Variants in L3MBTL2 observed in about 807,000 individuals in gnomAD.
L3MBTL2 encodes lethal(3)malignant brain tumor-like protein 2.
L3MBTL2 carries 49 observed loss-of-function variants against 86.4 expected under a neutral mutation model. That is an observed-to-expected ratio of 0.57 (90% CI 0.45 to 0.72). The LOEUF is 0.72. L3MBTL2 is among the 30% of genes least tolerant of loss of function. L3MBTL2 has a pLI of 0.00. For synonymous variants in L3MBTL2, 336 were observed against 350.6 expected, an observed-to-expected ratio of 0.96 and a Z score of 0.47; for missense variants, 755 against 923.7, an observed-to-expected ratio of 0.82 and a Z score of 2.37.
At chr22:41,223,928 C>A in intron 8 of L3MBTL2, 92 bp from the exon 9 acceptor site, 2 of 1,014,710 alleles carry the variant, frequency 2.0e-6, no homozygotes, top group Admixed American at 2.0e-5. Context: ...GGGGATAACA[C>A]CACACCTTCC....
intron 2 of L3MBTL2, chr22:41,210,156 T>G (rs1370256136): frequency 2.1e-6 from 1 of 486,180 alleles, no homozygotes; most frequent in East Asian, 3.5e-5. Flanking sequence ...TTTTTTTTTT[T>G]TTTTTTTTTT....
In L3MBTL2 at chr22:41,212,773, T is replaced by TAGTC. The variant is rs553240762; in HGVS notation, c.263-1119_263-1116dup. 1.7e-3 allele frequency among the ~76,000 whole-genome samples: 257 copies of TAGTC among 151,480 alleles called. 2 individuals carry two copies. Among genetic ancestry groups the TAGTC allele is most frequent in the African/African-American group, 5.8e-3 (241 of 41,228 alleles). ...AGCCAGGCGTGGTGGCACATGCCTG[T>TAGTC]AGTCCCAGCTACTCAAGAGGCTGAG... On this transcript the variant is annotated intron_variant, in intron 2 of 16. Coordinates refer to ENST00000216237, the MANE Select transcript of L3MBTL2 (RefSeq NM_031488.5).
chr22:41,224,596 G>A lies in L3MBTL2; in HGVS notation c.1175-129G>A. ...CTGCTACTCTGGGGTGGGGGGTCCT[G>A]AGATACAGAGATACAGCTGAGAACA... On this transcript the variant is annotated intron_variant, in intron 9 of 16. Transcript: ENST00000216237. This position sits in a 1 kb window ranked among gnomAD's most constrained non-coding sequence, Gnocchi z 4.9. 2 of 692,536 alleles carry A rather than the reference G, an allele frequency of 2.9e-6. No homozygotes were observed. Among genetic ancestry groups the A allele is most frequent in the Non-Finnish European group, 5.1e-6 (2 of 389,120 alleles). 42.9% of individuals were successfully genotyped at this position (692,536 alleles called of 1,614,324 possible).
At chr22:41,207,236 C>CTTTTTTT (rs753351369) in intron 1 of L3MBTL2, among the ~76,000 whole-genome samples, 6 of 120,502 alleles carry the variant, frequency 5.0e-5, no homozygotes, top group Non-Finnish European at 1.0e-4. Flanking sequence ...CCCCCAAATC[C>CTTTTTTT]TTTTTTTTTT....
Position 41,224,536 on chromosome 22 carries a change from G to C in L3MBTL2, c.1175-189G>C, listed in dbSNP as rs896858918. Among the ~76,000 whole-genome samples the C allele has an allele frequency of 2.6e-5, 4 of 152,134 alleles. No individual in the cohort carries two copies. Among genetic ancestry groups the C allele is most frequent in the African/African-American group, 4.8e-5 (2 of 41,412 alleles). On this transcript the variant is annotated intron_variant, in intron 9 of 16. Coordinates refer to ENST00000216237, the MANE Select transcript of L3MBTL2 (RefSeq NM_031488.5). The surrounding 1 kb of genome is among the most constrained non-coding windows in gnomAD (Gnocchi z 4.9). ...TCGAGGGCTGAAGAGTCCCTACAGAGAGCTCTTGATGTTTTCTGGACTCAA... is the reference window on the plus strand; with the variant it reads ...TCGAGGGCTGAAGAGTCCCTACAGACAGCTCTTGATGTTTTCTGGACTCAA...
At chr22:41,213,221 AAAAT>A (rs1308443273) in intron 2 of L3MBTL2, among the ~76,000 whole-genome samples, 3 of 152,226 alleles carry the variant, frequency 2.0e-5, no homozygotes, top group African/African-American at 4.8e-5. Context: ...CTCCGTCTCA[AAAAT>A]AAATAAATAA....
intron 15 of L3MBTL2, among the ~76,000 whole-genome samples, chr22:41,229,314 G>A (rs921721962): frequency 1.3e-5 from 2 of 152,108 alleles, no homozygotes; most frequent in African/African-American, 4.8e-5. Flanking sequence ...CGACTGCCTG[G>A]GGCTTGGTTT....
intron 7 of L3MBTL2, 91 bp downstream of exon 7, chr22:41,220,959 T>C: frequency 7.0e-7 from 1 of 1,427,220 alleles, no homozygotes; most frequent in African/African-American, 1.4e-5. Context: ...ATGGGAGTCC[T>C]CTGTCTTGTT....
intron 8 of L3MBTL2, 109 bp from the exon 9 acceptor site, chr22:41,223,911 G>A (rs2032003569): frequency 1.2e-6 from 1 of 843,042 alleles, no homozygotes; most frequent in Non-Finnish European, 1.9e-6. Context: ...CCGACTGACT[G>A]AGTGTGGGGG....
Position 41,227,627 on chromosome 22 carries a change from G to A in L3MBTL2, c.1823-177G>A. 1.3e-6 allele frequency: 2 copies of A among 1,548,660 alleles called. No homozygotes were observed. The highest frequency in any genetic ancestry group is 1.7e-6 in the Non-Finnish European group (2 of 1,145,744). ...CCCTGGTAACAAGGGTGGGAAGAAG[G>A]GACAGCTGTTCTCCGGCCCCTCCTC... On this transcript the variant is annotated intron_variant, in intron 14 of 16. Coordinates refer to ENST00000216237, the MANE Select transcript of L3MBTL2 (RefSeq NM_031488.5). The surrounding 1 kb of genome is among the most constrained non-coding windows in gnomAD (Gnocchi z 6.0).
At chr22:41,217,055 T>TG in intron 4 of L3MBTL2, 68 bp from the exon 5 acceptor site, 1 of 1,319,522 alleles carries the variant, frequency 7.6e-7, no homozygotes. Flanking sequence ...ACAGGGCCCT[T>TG]GGGGTCCAGG....
intron 1 of L3MBTL2, chr22:41,209,065 C>G (rs2030491275): frequency 6.6e-6 from 1 of 152,084 alleles, no homozygotes. Context: ...AATATATCTT[C>G]TACCCCAGAA....
Position 41,229,550 on chromosome 22 carries a change from C to T in L3MBTL2, c.1899C>T (p.Ile633=), listed in dbSNP as rs201389459. 1.8e-5 allele frequency: 29 copies of T among 1,610,518 alleles called. No individual in the cohort carries two copies. Among genetic ancestry groups the T allele is most frequent in the Non-Finnish European group, 2.0e-5 (24 of 1,177,290 alleles). ...KKQFGKKRKR[I]PPTKTRPLRQ... ...CATTTTTATTCAAAGGGAAAAGAAT[C>T]CCGCCCACTAAGACGCGACCCCTCA... Residue 633 remains isoleucine (I), a synonymous_variant, in exon 16 of 17, where the codon ATC becomes ATT. Transcript: ENST00000216237.
rs761373628 is a variant in L3MBTL2, at chr22:41,217,157, G to C, written c.555G>C (p.Leu185=). ...LVLGFDWGKF[L]KDHSYKAAPV... is the part of the protein sequence containing the mutation. ...TGGGCTTCGACTGGGGGAAGTTCCT[G>C]AAGGATCACAGTTACAAGGCTGCTC... is the stretch of plus-strand genomic sequence containing the variant. The change falls in exon 5 of 17, where the codon CTG becomes CTC. Residue 185 remains leucine, a synonymous_variant. Transcript: ENST00000216237. 4 of 1,613,864 alleles carry C rather than the reference G, an allele frequency of 2.5e-6. No homozygotes were observed. Among genetic ancestry groups the C allele is most frequent in the Non-Finnish European group, 1.7e-6 (2 of 1,180,026 alleles).
rs2032094881 is a variant in L3MBTL2, at chr22:41,225,166, CTG to C, written c.1356+99_1356+100del. ...ACCCCACTCGCCACCGTCAGGGGGT[CTG>C]TGTCCCAGCCTCTCATCACTGGCTG... On this transcript the variant is annotated intron_variant, in intron 11 of 16. Transcript: ENST00000216237. The surrounding 1 kb of genome is among the most constrained non-coding windows in gnomAD (Gnocchi z 4.1). The C allele has an allele frequency of 2.5e-5, 24 of 955,746 alleles. No individual in the cohort carries two copies. In the Admixed American group the frequency reaches 6.0e-4, roughly 24 times the overall value. The allele number at this position is 955,746 out of a possible 1,614,324, so 59.2% of individuals were successfully genotyped here. A position where few individuals can be genotyped will look rare whatever the true frequency, so the allele number is the denominator to read the frequency against.
Position 41,227,909 on chromosome 22 carries a change from G to T in L3MBTL2, c.1888+40G>T. On this transcript the variant is annotated intron_variant, in intron 15 of 16. Transcript: ENST00000216237. This position sits in a 1 kb window ranked among gnomAD's most constrained non-coding sequence, Gnocchi z 6.0. ...GGTGCAGCCAGGCTGGTGTGGGCCT[G>T]GGAGCAGTGGGCCTGCGTCCCTGGG... The T allele has an allele frequency of 1.2e-6, 2 of 1,604,506 alleles. No individual in the cohort carries two copies. The highest frequency in any genetic ancestry group is 1.7e-6 in the Non-Finnish European group (2 of 1,175,456).
At chr22:41,208,454 C>G (rs2030429938) in intron 1 of L3MBTL2, 1 of 302,948 alleles carries the variant, frequency 3.3e-6, no homozygotes, top group African/African-American at 2.3e-5. Context: ...CTGTTACATG[C>G]TGGGTAGATT....
Position 41,221,070 on chromosome 22 carries a change from G to A in L3MBTL2, c.854-129G>A, listed in dbSNP as rs1601522031. 4 of 971,498 alleles carry A rather than the reference G, an allele frequency of 4.1e-6. No individual in the cohort carries two copies. In the East Asian group the frequency reaches 8.0e-5, roughly 19 times the overall value. The allele number at this position is 971,498 out of a possible 1,614,324, so 60.2% of individuals were successfully genotyped here. On this transcript the variant is annotated intron_variant, in intron 7 of 16. Transcript: ENST00000216237. ...TCTGATGTTCTCAGATGAAGTCATT[G>A]CTGGCCTGAAGAGGCAGCTATTTTC... is the stretch of plus-strand genomic sequence containing the variant.
rs917934067 is a variant in L3MBTL2 at position 41,224,862 on chromosome 22, A to G, written c.1251+61A>G. On this transcript the variant is annotated intron_variant, in intron 10 of 16. Transcript: ENST00000216237. This position sits in a 1 kb window ranked among gnomAD's most constrained non-coding sequence, Gnocchi z 4.9. Reference sequence around the variant, plus strand: ...CATGGGTCCATTCCGGGCCTGAGGGACCTGGCTCTTCCCCTGGGACCATCC... The same window carrying G: ...CATGGGTCCATTCCGGGCCTGAGGGGCCTGGCTCTTCCCCTGGGACCATCC... 7.1e-6 allele frequency: 11 copies of G among 1,559,172 alleles called. No individual in the cohort carries two copies. The Admixed American group carries it at 1.5e-4, about 21-fold the overall frequency.
Sources: allele counts gnomAD v4.1 joint callset (sites outside exome capture counted in the v4.1 genomes callset), GRCh38; gene constraint gnomAD v4.1.1; non-coding constraint Gnocchi (gnomAD v3.1); transcripts MANE v1.5; gene names NCBI Gene and HGNC (gene_info 2026-07-23, HGNC 2026-07-21).